The following PCNX1 variants were observed in gnomAD, a reference collection of about 807,000 sequenced individuals.
PCNX1 encodes pecanex 1.
Under a neutral mutation model 242.2 loss-of-function variants are expected in PCNX1, and 78 were observed. The ratio of observed to expected loss-of-function variants is 0.32; its 90% CI spans 0.27 to 0.39. The LOEUF is 0.39. Among genes scored for constraint, PCNX1 ranks in the 10% least tolerant of loss-of-function variants. The pLI, the probability that PCNX1 is intolerant of heterozygous loss-of-function variation, is 1.00. For synonymous variants in PCNX1, 1,024 were observed against 1,032.9 expected (o/e 0.99, Z 0.17); for missense variants, 2,581 against 2,856.5 (o/e 0.90, Z 2.20).
chr14:71,103,621 C>T lies in PCNX1; in HGVS notation c.6047C>T (p.Pro2016Leu), dbSNP rs1395441525. The T allele has an allele frequency of 1.2e-6, 2 of 1,614,116 alleles. No homozygotes were observed. The highest frequency in any genetic ancestry group is 4.5e-5 in the East Asian group (2 of 44,880). Residue 2016 changes from proline to leucine, a missense_variant, in exon 32 of 36, where the codon CCT becomes CTT. By Grantham distance (98) the Pro-to-Leu change is moderately conservative. Transcript: ENST00000304743. ...CAGCTTAAAGACATTCTTGGGGGTCCTATCAGCTTGGGAAATATCAGGAAC... is the reference window on the plus strand; with the variant it reads ...CAGCTTAAAGACATTCTTGGGGGTCTTATCAGCTTGGGAAATATCAGGAAC... The part of the protein sequence containing the change: ...HEQLKDILGG[P>L]ISLGNIRNFI...
intron 19 of PCNX1, among the ~76,000 whole-genome samples, chr14:71,043,361 T>C (rs2060766399): frequency 6.6e-6 from 1 of 152,160 alleles, no homozygotes; most frequent in Non-Finnish European, 1.5e-5. Context: ...ACTTGGGAAA[T>C]TTTCAGCTAT....
At chr14:71,076,997 T>C (rs2061734350) in intron 28 of PCNX1, among the ~76,000 whole-genome samples, 1 of 152,198 alleles carries the variant, frequency 6.6e-6, no homozygotes, top group African/African-American at 2.4e-5. Context: ...ATCTAGACCA[T>C]TGATTTTCAA....
At chr14:71,023,395 T>A (rs552344653) in intron 13 of PCNX1, among the ~76,000 whole-genome samples, 163 bp downstream of exon 13, 1 of 152,110 alleles carries the variant, frequency 6.6e-6, no homozygotes, top group African/African-American at 2.4e-5. Flanking sequence ...ACTAGAAATA[T>A]AGGTGTTTTG....
chr14:70,910,427 CTT>C (rs1594867054), intron 1 of PCNX1, among the ~76,000 whole-genome samples: 1 of 151,718 alleles, frequency 6.6e-6, no homozygotes, highest in South Asian at 2.1e-4. Flanking sequence ...CTGTGTCTCT[CTT>C]GTCTCAACCA....
intron 30 of PCNX1, among the ~76,000 whole-genome samples, chr14:71,100,248 C>T (rs1287482179): frequency 6.6e-6 from 1 of 151,938 alleles, no homozygotes; most frequent in Non-Finnish European, 1.5e-5. Flanking sequence ...TTTTTGTTTC[C>T]ATGTTTAGAA....
chr14:71,060,891 A>T (rs894848716), intron 26 of PCNX1: 3 of 152,228 alleles, frequency 2.0e-5, no homozygotes, highest in African/African-American at 7.2e-5. Context: ...ACACAACTAC[A>T]GTGTTGAATT....
chr14:70,985,278 G>A (rs1197813393), intron 6 of PCNX1, among the ~76,000 whole-genome samples: 2 of 152,068 alleles, frequency 1.3e-5, no homozygotes, highest in African/African-American at 2.4e-5. Flanking sequence ...GCAGTGGCAC[G>A]ATCTTGGCTC....
chr14:70,919,431 G>T, intron 1 of PCNX1, among the ~76,000 whole-genome samples: 1 of 152,192 alleles, frequency 6.6e-6, no homozygotes, highest in East Asian at 1.9e-4. Flanking sequence ...GCCTCCTTCT[G>T]TTATCTGAGT....
Position 71,109,924 on chromosome 14 carries a change from G to C in PCNX1, c.7015G>C (p.Ala2339Pro). The change falls in exon 36 of 36, where the codon GCT (alanine) becomes CCT (proline). Residue 2339 changes from alanine to proline, a missense_variant. Coordinates refer to ENST00000304743, the MANE Select transcript of PCNX1 (RefSeq NM_014982.3). ...VIETGVLELG[A>P]EV The stretch of plus-strand genomic sequence containing the variant: ...TGAAACTGGGGTACTAGAACTTGGG[G>C]CTGAAGTGTGAGCCAGTGTTTATTA... The C allele has an allele frequency of 6.2e-7, 1 of 1,613,330 alleles. No homozygotes were observed. Among genetic ancestry groups the C allele is most frequent in the Non-Finnish European group, 8.5e-7 (1 of 1,179,396 alleles).
At chr14:70,932,803 G>A (rs997216010) in intron 1 of PCNX1, among the ~76,000 whole-genome samples, 1 of 151,800 alleles carries the variant, frequency 6.6e-6, no homozygotes, top group African/African-American at 2.4e-5. Context: ...GTAGAGACGG[G>A]GTTTCACCAT....
intron 28 of PCNX1, among the ~76,000 whole-genome samples, chr14:71,081,569 A>G (rs1273381168): frequency 1.3e-5 from 2 of 152,126 alleles, no homozygotes; most frequent in Non-Finnish European, 2.9e-5. Flanking sequence ...CTATTCAGGG[A>G]TTCGACTTCT....
chr14:70,965,662 CAAAA>C (rs11453401), intron 3 of PCNX1, among the ~76,000 whole-genome samples: 4 of 91,120 alleles, frequency 4.4e-5, no homozygotes, highest in African/African-American at 4.5e-5. Context: ...GACTCCGTCT[CAAAA>C]AAAAAAAAAA....
chr14:70,969,127 T>TTA lies in PCNX1; in HGVS notation c.604+18_604+19dup, dbSNP rs768033344. 1 of 1,450,470 alleles carries TTA rather than the reference T, an allele frequency of 6.9e-7. No homozygotes were observed. Among genetic ancestry groups the TTA allele is most frequent in the East Asian group, 2.3e-5 (1 of 44,078 alleles). The allele number at this position is 1,450,470 out of a possible 1,614,324, so 89.8% of individuals were successfully genotyped here. A position where few individuals can be genotyped will look rare whatever the true frequency, so the allele number is the denominator to read the frequency against. On this transcript the variant is annotated intron_variant, in intron 5 of 35. Coordinates refer to ENST00000304743, the MANE Select transcript of PCNX1 (RefSeq NM_014982.3). ...AAGAACAAGGTAAGAACGTTATACT[T>TTA]TACCATGATGTCATATACTGTGGTG... is the stretch of plus-strand genomic sequence containing the variant.
chr14:71,041,086 G>A (rs980733111), intron 19 of PCNX1, among the ~76,000 whole-genome samples: 12 of 152,026 alleles, frequency 7.9e-5, no homozygotes, highest in Admixed American at 5.9e-4. Flanking sequence ...GTTGATGGAC[G>A]CTTAGGTTGC....
At chr14:71,047,334 A>C (rs2060892056) in intron 21 of PCNX1, among the ~76,000 whole-genome samples, 1 of 152,126 alleles carries the variant, frequency 6.6e-6, no homozygotes, top group African/African-American at 2.4e-5. Context: ...TTATGAGAGG[A>C]CATTTTAAAA....
At chr14:70,990,812 T>C (rs966160698) in intron 7 of PCNX1, among the ~76,000 whole-genome samples, 1 of 152,200 alleles carries the variant, frequency 6.6e-6, no homozygotes, top group African/African-American at 2.4e-5. Context: ...TTCTTTCTGC[T>C]GATGGATTTG....
chr14:71,027,046 A>G (rs1414204706), intron 15 of PCNX1, 164 bp downstream of exon 15: 2 of 465,612 alleles, frequency 4.3e-6, no homozygotes, highest in African/African-American at 4.0e-5. Flanking sequence ...TAATTTGTGG[A>G]TAGGAAAAAA....
Position 71,059,730 on chromosome 14 carries a change from C to T in PCNX1, c.4852+2006C>T, listed in dbSNP as rs541662848. ...AAGACACATTTGATCATGGCATTCGCACGCTTACAATTTTTCAGTGACTTC... is the reference window on the plus strand; with the variant it reads ...AAGACACATTTGATCATGGCATTCGTACGCTTACAATTTTTCAGTGACTTC... On this transcript the variant is annotated intron_variant, in intron 26 of 35. Coordinates refer to ENST00000304743, the MANE Select transcript of PCNX1 (RefSeq NM_014982.3). Among the ~76,000 whole-genome samples the T allele has an allele frequency of 1.3e-3, 203 of 152,206 alleles. 1 individual carries two copies. The highest frequency in any genetic ancestry group is 2.3e-3 in the Non-Finnish European group (157 of 67,994).
intron 5 of PCNX1, among the ~76,000 whole-genome samples, chr14:70,971,205 C>T (rs1339401154): frequency 2.1e-5 from 1 of 46,960 alleles, no homozygotes; most frequent in Non-Finnish European, 4.1e-5. Context: ...ACTGCAGTGG[C>T]GCAATCTCGA....
Sources: gnomAD v4.1 joint callset for allele counts (sites outside exome capture counted in the v4.1 genomes callset) on GRCh38, gnomAD v4.1.1 for gene constraint, MANE v1.5 for transcripts, NCBI Gene and HGNC (gene_info 2026-07-23, HGNC 2026-07-21) for gene names.